ZCCHC14: variants seen among roughly 807,000 people sequenced by gnomAD.
ZCCHC14 encodes zinc finger CCHC domain-containing protein 14.
In ZCCHC14, 16 loss-of-function variants were observed where a neutral mutation model predicts 85.0. That is an observed-to-expected ratio of 0.19 (90% CI 0.13 to 0.29). The LOEUF (loss-of-function observed/expected upper bound fraction) is 0.29. Among genes scored for constraint, ZCCHC14 ranks in the 10% least tolerant of loss-of-function variants. The pLI is 1.00. For synonymous variants in ZCCHC14, 775 were observed against 630.7 expected (o/e 1.23, Z -3.43); for missense variants, 1,303 against 1,443.5 (o/e 0.90, Z 1.58).
chr16:87,440,365 A>G lies in ZCCHC14; in HGVS notation c.695-7164T>C, dbSNP rs373251513. ...TTTTTAGTAGAGACAGGGTTTCGAC[A>G]TATTGGTCAGGCTGGTCTCGAACTC... On this transcript the variant is annotated intron_variant, in intron 2 of 12. Coordinates refer to ENST00000671377, the MANE Select transcript of ZCCHC14 (RefSeq NM_015144.3). Among the ~76,000 whole-genome samples, 16 of 152,134 alleles carry G rather than the reference A, an allele frequency of 1.1e-4. No homozygotes were observed. In the East Asian group the frequency reaches 3.1e-3, roughly 29 times the overall value.
chr16:87,462,725 G>C (rs1911327283), intron 1 of ZCCHC14, among the ~76,000 whole-genome samples: 1 of 132,966 alleles, frequency 7.5e-6, no homozygotes, highest in African/African-American at 2.9e-5. Context: ...GGGCGACAGA[G>C]ACTCTATCTC....
intron 1 of ZCCHC14, among the ~76,000 whole-genome samples, chr16:87,460,398 T>A (rs2093073390): frequency 6.6e-6 from 1 of 152,118 alleles, no homozygotes; most frequent in African/African-American, 2.4e-5. Context: ...GAAACTATGG[T>A]AGCCAAAGAG....
At chr16:87,448,973 G>A (rs542159862) in intron 2 of ZCCHC14, among the ~76,000 whole-genome samples, 3 of 152,202 alleles carry the variant, frequency 2.0e-5, no homozygotes, top group Admixed American at 6.5e-5. Flanking sequence ...AGAAGCGACC[G>A]TGTGCCGGCC....
chr16:87,440,739 T>C (rs11645664), intron 2 of ZCCHC14, among the ~76,000 whole-genome samples: 61 of 152,202 alleles, frequency 4.0e-4, no homozygotes, highest in Non-Finnish European at 7.1e-4. Flanking sequence ...CCTGAGTAGC[T>C]GGCTCTACAG....
intron 2 of ZCCHC14, among the ~76,000 whole-genome samples, chr16:87,446,693 C>CT (rs1429322901): frequency 4.6e-5 from 7 of 151,850 alleles, no homozygotes; most frequent in Non-Finnish European, 1.0e-4. Context: ...AGCAAACTGA[C>CT]TTTCTTTTTT....
intron 2 of ZCCHC14, among the ~76,000 whole-genome samples, chr16:87,442,440 C>G (rs543200265): frequency 6.6e-6 from 1 of 152,270 alleles, no homozygotes; most frequent in South Asian, 2.1e-4. Context: ...GGCACAGATG[C>G]TAGAACTACC....
At chr16:87,479,047 T>A (rs1251595260) in intron 1 of ZCCHC14, among the ~76,000 whole-genome samples, 1 of 152,226 alleles carries the variant, frequency 6.6e-6, no homozygotes, top group Admixed American at 6.5e-5. Flanking sequence ...AACAGTTTAA[T>A]CTTTTTTCAA....
chr16:87,460,065 A>T lies in ZCCHC14; in HGVS notation c.637T>A (p.Ser213Thr). Residue 213 changes from serine to threonine, a missense_variant, in exon 2 of 13, where the codon TCA (serine) becomes ACA (threonine). Coordinates refer to ENST00000671377, the MANE Select transcript of ZCCHC14 (RefSeq NM_015144.3). ...SNSLENALHT[S>T]AHSTEESLPK... ...AGCGACTCCTCCGTGGAATGTGCTG[A>T]TGTGTGCAGGGCATTCTCCAAACTA... 6.2e-7 allele frequency: 1 copy of T among 1,614,132 alleles called. No homozygotes were observed.
intron 1 of ZCCHC14, chr16:87,467,312 A>G (rs1157287435): frequency 6.3e-7 from 1 of 1,583,874 alleles, no homozygotes; most frequent in East Asian, 2.2e-5. Flanking sequence ...ATAATGTAAC[A>G]CTGCCCCAAG....
intron 2 of ZCCHC14, among the ~76,000 whole-genome samples, chr16:87,451,714 C>T (rs1910714418): frequency 6.6e-6 from 1 of 152,192 alleles, no homozygotes; most frequent in African/African-American, 2.4e-5. Context: ...ATGCTACAGT[C>T]AGGGCCCAGG....
At chr16:87,455,731 C>T (rs919838978) in intron 2 of ZCCHC14, among the ~76,000 whole-genome samples, 1 of 152,180 alleles carries the variant, frequency 6.6e-6, no homozygotes, top group Non-Finnish European at 1.5e-5. Flanking sequence ...GACGATTTTT[C>T]GACTTTACAA....
intron 1 of ZCCHC14, among the ~76,000 whole-genome samples, chr16:87,483,356 T>G (rs1469272337): frequency 7.1e-5 from 10 of 141,198 alleles, no homozygotes; most frequent in African/African-American, 2.4e-4. Flanking sequence ...CCAGGCTTGG[T>G]GGCACGTGCC....
intron 3 of ZCCHC14, among the ~76,000 whole-genome samples, chr16:87,432,331 A>T (rs1330602246): frequency 1.3e-5 from 2 of 152,168 alleles, no homozygotes; most frequent in Non-Finnish European, 2.9e-5. Flanking sequence ...GGACCAAGAA[A>T]TTAAATCTGG....
intron 2 of ZCCHC14, among the ~76,000 whole-genome samples, chr16:87,446,135 C>G (rs1400621616): frequency 6.7e-6 from 1 of 149,660 alleles, no homozygotes; most frequent in Non-Finnish European, 1.5e-5. Context: ...CCATTGCACT[C>G]CAACCTGGGC....
chr16:87,422,927 T>G (rs1909179975), intron 4 of ZCCHC14, among the ~76,000 whole-genome samples: 1 of 151,888 alleles, frequency 6.6e-6, no homozygotes, highest in South Asian at 2.1e-4. Context: ...TGTGTTACCC[T>G]CGAAGGCGTG....
intron 1 of ZCCHC14, among the ~76,000 whole-genome samples, chr16:87,477,007 C>T (rs1462732784): frequency 5.3e-5 from 8 of 151,338 alleles, no homozygotes; most frequent in African/African-American, 1.5e-4. Flanking sequence ...TGCCTGTAAT[C>T]CCAGCTACTC....
chr16:87,412,522 G>A lies in ZCCHC14; in HGVS notation c.2199C>T (p.Val733=), dbSNP rs1014886582. Reference sequence around the variant, plus strand: ...CCCTGTCCAGCGTGGATGCATGCACGACTTTGGTCCGGGGACCAAAGGAGA... The same window carrying A: ...CCCTGTCCAGCGTGGATGCATGCACAACTTTGGTCCGGGGACCAAAGGAGA... ...PTVSFGPRTK[V]VHASTLDRVL... The change falls in exon 12 of 13, where the codon GTC becomes GTT. Residue 733 remains valine (V), a synonymous_variant. Coordinates refer to ENST00000671377, the MANE Select transcript of ZCCHC14 (RefSeq NM_015144.3). 14 of 1,613,920 alleles carry A rather than the reference G, an allele frequency of 8.7e-6. No individual in the cohort carries two copies. The highest frequency in any genetic ancestry group is 8.0e-5 in the African/African-American group (6 of 74,926).
intron 10 of ZCCHC14, among the ~76,000 whole-genome samples, chr16:87,414,117 C>T (rs3815946): frequency 7.7e-6 from 1 of 129,712 alleles, no homozygotes; most frequent in African/African-American, 3.9e-5. Flanking sequence ...CCCGGCACAC[C>T]GGCCCTCTCT....
intron 2 of ZCCHC14, among the ~76,000 whole-genome samples, chr16:87,450,082 A>G (rs1910623296): frequency 6.6e-6 from 1 of 152,172 alleles, no homozygotes; most frequent in Admixed American, 6.5e-5. Context: ...ATTGTTTTCC[A>G]GCAGACGCCC....
Sources: gnomAD v4.1 joint callset for allele counts (sites outside exome capture counted in the v4.1 genomes callset) on GRCh38, gnomAD v4.1.1 for gene constraint, MANE v1.5 for transcripts, NCBI Gene and HGNC (gene_info 2026-07-23, HGNC 2026-07-21) for gene names.